Variants in TUSC3 observed in about 807,000 individuals in gnomAD.
TUSC3 encodes the protein tumor suppressor candidate 3, also known as dolichyl-diphosphooligosaccharide--protein glycosyltransferase subunit TUSC3.
In TUSC3, 45 loss-of-function variants were observed where a neutral mutation model predicts 44.8. The observed-to-expected ratio is 1.00, with a 90% CI of 0.79 to 1.29. The LOEUF (loss-of-function observed/expected upper bound fraction) is 1.29, where lower values mean the gene tolerates loss of function less well. Among genes scored for constraint, TUSC3 ranks in the 50% most tolerant of loss-of-function variants. TUSC3 has a pLI of 0.00. For synonymous variants in TUSC3, 212 were observed against 152.9 expected (o/e 1.39, Z -2.85); for missense variants, 519 against 437.9 (o/e 1.19, Z -1.65).
intron 1 of TUSC3, among the ~76,000 whole-genome samples, chr8:15,600,019 T>G (rs778545474): frequency 4.0e-5 from 6 of 151,768 alleles, no homozygotes; most frequent in Non-Finnish European, 7.4e-5. Flanking sequence ...ACAGTTTTAT[T>G]TCTTCTTTAG....
At chr8:15,431,262 G>C (rs1799869136) in intron 1 of TUSC3, among the ~76,000 whole-genome samples, 1 of 151,306 alleles carries the variant, frequency 6.6e-6, no homozygotes, top group Non-Finnish European at 1.5e-5. Context: ...GGATAGCATT[G>C]TCTCTATAGA....
In TUSC3 at chr8:15,517,572, A is replaced by G. The variant is rs1052620544; in HGVS notation, n.189+34089A>G. On this transcript the variant is annotated intron_variant and non_coding_transcript_variant, in intron 2 of 5. Transcript: ENST00000503191. The stretch of plus-strand genomic sequence containing the variant: ...AAAAAAAAAAGCCCACAACATTCAC[A>G]TTTACAGTTTACACAGCTGTTGGAT... Among the ~76,000 whole-genome samples the G allele has an allele frequency of 1.1e-4, 15 of 137,994 alleles. No homozygotes were observed. The Admixed American group carries it at 1.2e-3, about 11-fold the overall frequency. The allele number at this position is 137,994 out of a possible 152,430, so 90.5% of individuals were successfully genotyped here. A position where few individuals can be genotyped will look rare whatever the true frequency, so the allele number is the denominator to read the frequency against.
intron 2 of TUSC3, among the ~76,000 whole-genome samples, chr8:15,640,362 C>G (rs758173749): frequency 1.1e-4 from 17 of 152,138 alleles, no homozygotes; most frequent in South Asian, 2.1e-4. Flanking sequence ...GCTGATTTTG[C>G]TTTGTGTCCT....
At chr8:15,518,007 C>T (rs544281833) in intron 2 of TUSC3, among the ~76,000 whole-genome samples, 3 of 151,728 alleles carry the variant, frequency 2.0e-5, no homozygotes, top group Admixed American at 1.3e-4. Context: ...CATACACATT[C>T]GCACCTGTTC....
chr8:15,547,034 A>C (rs1801894610), intron 1 of TUSC3, among the ~76,000 whole-genome samples: 1 of 151,774 alleles, frequency 6.6e-6, no homozygotes, highest in African/African-American at 2.4e-5. Flanking sequence ...GAAAAAAGTT[A>C]AAAATATAGT....
In TUSC3 at chr8:15,765,118, T is replaced by C. The variant is rs1472962926; in HGVS notation, c.*962T>C. The C allele has an allele frequency of 1.3e-5, 2 of 152,024 alleles. No homozygotes were observed. Among genetic ancestry groups the C allele is most frequent in the Admixed American group, 6.6e-5 (1 of 15,234 alleles). The allele number at this position is 152,024 out of a possible 1,614,324, so 9.4% of individuals were successfully genotyped here. ...ATGTACTATTATGTTTGTATCCTGTTTTAGTTTATAAAGCACTTTCACATA... is the reference window on the plus strand; with the variant it reads ...ATGTACTATTATGTTTGTATCCTGTCTTAGTTTATAAAGCACTTTCACATA... On this transcript the variant is annotated 3_prime_UTR_variant, in exon 11 of 11. Transcript: ENST00000503731.
chr8:15,689,137 C>A, intron 6 of TUSC3: 2 of 397,090 alleles, frequency 5.0e-6, no homozygotes, highest in South Asian at 2.1e-5. Context: ...TCTTCTAGCT[C>A]ATTTATCGCT....
chr8:15,746,847 A>C (rs780812577), intron 8 of TUSC3, among the ~76,000 whole-genome samples: 6 of 152,152 alleles, frequency 3.9e-5, no homozygotes, highest in Non-Finnish European at 7.4e-5. Context: ...GGTTTTTATA[A>C]ACAAAGTTGT....
At chr8:15,717,695 G>GCC (rs1351059198) in intron 6 of TUSC3, among the ~76,000 whole-genome samples, 1 of 151,968 alleles carries the variant, frequency 6.6e-6, no homozygotes, top group East Asian at 1.9e-4. Flanking sequence ...CACTCATTTG[G>GCC]ACATATAGCT....
intron 1 of TUSC3, among the ~76,000 whole-genome samples, chr8:15,470,098 A>C (rs368395767): frequency 1.7e-3 from 237 of 140,872 alleles, no homozygotes; most frequent in African/African-American, 5.9e-3. Flanking sequence ...CCTACAAAAA[A>C]AATTAACAAA....
chr8:15,598,497 G>A (rs1003268411), intron 1 of TUSC3, among the ~76,000 whole-genome samples: 1 of 151,624 alleles, frequency 6.6e-6, no homozygotes, highest in Admixed American at 6.6e-5. Context: ...TTTGTATTAG[G>A]GTTCATTCTT....
the TUSC3 span, among the ~76,000 whole-genome samples, chr8:15,826,885 T>C: frequency 2.6e-5 from 4 of 152,140 alleles, no homozygotes; most frequent in Admixed American, 6.6e-5. Context: ...CCTTACCTGA[T>C]TGGAGCTGGG....
intron 1 of TUSC3, among the ~76,000 whole-genome samples, chr8:15,444,049 A>C (rs1050999951): frequency 2.0e-5 from 3 of 152,202 alleles, no homozygotes; most frequent in Non-Finnish European, 4.4e-5. Flanking sequence ...CTGGTCTCCC[A>C]CAGAACCAGT....
Position 15,765,073 on chromosome 8 carries a change from AAAAC to A in TUSC3, c.*923_*926del, listed in dbSNP as rs1221365323. The A allele has an allele frequency of 5.3e-5, 8 of 152,062 alleles. No homozygotes were observed. The highest frequency in any genetic ancestry group is 1.9e-4 in the African/African-American group (8 of 41,454). The allele number at this position is 152,062 out of a possible 1,614,324, so 9.4% of individuals were successfully genotyped here. ...TGAATGATTCAATGAAGCTTTCTTG[AAAAC>A]AAACATAGGAGTGTAATGTACTATT... On this transcript the variant is annotated 3_prime_UTR_variant, in exon 11 of 11. Coordinates refer to ENST00000503731, the MANE Select transcript of TUSC3 (RefSeq NM_006765.4).
chr8:15,504,621 A>ATTTTT (rs869264757), intron 2 of TUSC3, among the ~76,000 whole-genome samples: 3 of 20,294 alleles, frequency 1.5e-4, no homozygotes, highest in African/African-American at 4.1e-4. Context: ...ATATATATAT[A>ATTTTT]TTTTTTTTTT....
chr8:15,770,138 A>C (rs1299896467), downstream of TUSC3, among the ~76,000 whole-genome samples: 2 of 152,208 alleles, frequency 1.3e-5, no homozygotes, highest in African/African-American at 4.8e-5. Flanking sequence ...ACTGTTCATA[A>C]TAGCAAAGAC....
intron 2 of TUSC3, among the ~76,000 whole-genome samples, chr8:15,522,197 G>C (rs958909305): frequency 2.0e-5 from 3 of 151,912 alleles, no homozygotes; most frequent in African/African-American, 7.3e-5. Context: ...CAAGTCATGG[G>C]TAAGTGCTAG....
In TUSC3 at chr8:15,531,820, A is replaced by G. The variant is rs114546762; in HGVS notation, n.189+48337A>G. Reference sequence around the variant, plus strand: ...CGGTATACTTACCTTCTGACTGGTGATATTTCCTAGAGATAATCTGGAATT... The same window carrying G: ...CGGTATACTTACCTTCTGACTGGTGGTATTTCCTAGAGATAATCTGGAATT... On this transcript the variant is annotated intron_variant and non_coding_transcript_variant, in intron 2 of 5. Coordinates refer to the TUSC3 transcript ENST00000503191. 4.9e-3 allele frequency among the ~76,000 whole-genome samples: 752 copies of G among 152,288 alleles called. 6 individuals carry two copies. The highest frequency in any genetic ancestry group is 0.017 in the African/African-American group (709 of 41,564).
chr8:15,435,070 C>G (rs1256128283), intron 1 of TUSC3, among the ~76,000 whole-genome samples: 1 of 148,666 alleles, frequency 6.7e-6, no homozygotes, highest in Non-Finnish European at 1.5e-5. Flanking sequence ...ATGGCTGGGT[C>G]AAATGGTATT....
Sources: gnomAD v4.1 joint callset for allele counts (sites outside exome capture counted in the v4.1 genomes callset) on GRCh38, gnomAD v4.1.1 for gene constraint, MANE v1.5 for transcripts, NCBI Gene and HGNC (gene_info 2026-07-23, HGNC 2026-07-21) for gene names.